Variants in ADAM10 observed in about 807,000 individuals in gnomAD.
The protein encoded by ADAM10 is disintegrin and metalloproteinase domain-containing protein 10.
Under a neutral mutation model 90.1 loss-of-function variants are expected in ADAM10, and 17 were observed. The observed-to-expected ratio is 0.19, with a 90% CI of 0.13 to 0.28. The LOEUF (loss-of-function observed/expected upper bound fraction) is 0.28, where lower values mean the gene tolerates loss of function less well. Ranked by LOEUF, ADAM10 falls within the 10% of genes least tolerant of loss-of-function variation. The pLI, the probability that ADAM10 is intolerant of heterozygous loss-of-function variation, is 1.00. For synonymous variants in ADAM10, 310 were observed against 298.6 expected, an observed-to-expected ratio of 1.04 and a Z score of -0.40; for missense variants, 610 against 914.3, an observed-to-expected ratio of 0.67 and a Z score of 4.29.
rs1212579173 is a variant in ADAM10, at chr15:58,597,300, C to T, written c.*247G>A. ...CATAATAATATTCTAAGACTTTGTG[C>T]CATTAAGTTAAAAATATCTGTTCAT... On this transcript the variant is annotated 3_prime_UTR_variant, in exon 16 of 16. Transcript: ENST00000260408. The T allele has an allele frequency of 1.5e-6, 2 of 1,298,304 alleles. No individual in the cohort carries two copies. 80.4% of individuals were successfully genotyped at this position (1,298,304 alleles called of 1,614,324 possible).
At chr15:58,669,050 A>T (rs1338227593) in intron 4 of ADAM10, among the ~76,000 whole-genome samples, 3 of 152,178 alleles carry the variant, frequency 2.0e-5, no homozygotes, top group African/African-American at 7.2e-5. Context: ...AAATCTCCTA[A>T]TCATATGTCA....
intron 2 of ADAM10, chr15:58,698,146 G>C (rs1201938499): frequency 9.8e-6 from 3 of 307,604 alleles, no homozygotes; most frequent in East Asian, 1.3e-4. Flanking sequence ...TGCAGCAATA[G>C]ATTCCAATGA....
At chr15:58,696,245 C>T (rs1055168559) in intron 2 of ADAM10, among the ~76,000 whole-genome samples, 5 of 151,948 alleles carry the variant, frequency 3.3e-5, no homozygotes, top group African/African-American at 9.7e-5. Context: ...CAAGATCACG[C>T]CACTGCACTC....
intron 2 of ADAM10, chr15:58,693,255 G>A: frequency 3.5e-6 from 2 of 565,970 alleles, no homozygotes; most frequent in Non-Finnish European, 3.3e-6. Flanking sequence ...TGTCCAAAAT[G>A]CACACGGCAC....
At chr15:58,696,088 C>T (rs1897970743) in intron 2 of ADAM10, among the ~76,000 whole-genome samples, 1 of 151,910 alleles carries the variant, frequency 6.6e-6, no homozygotes, top group African/African-American at 2.4e-5. Context: ...TGCACTCCAG[C>T]CTGGGCAACA....
intron 4 of ADAM10, among the ~76,000 whole-genome samples, chr15:58,675,095 G>C (rs1485162968): frequency 6.6e-6 from 1 of 152,202 alleles, no homozygotes; most frequent in African/African-American, 2.4e-5. Flanking sequence ...ATTCACAGGA[G>C]GCTGAGGCAG....
intron 5 of ADAM10, among the ~76,000 whole-genome samples, chr15:58,658,987 T>G (rs1896902629): frequency 6.6e-6 from 1 of 152,020 alleles, no homozygotes; most frequent in Non-Finnish European, 1.5e-5. Context: ...AAGTTTTTAT[T>G]CCTTGGCTGG....
intron 2 of ADAM10, among the ~76,000 whole-genome samples, chr15:58,711,694 A>G (rs1898478155): frequency 1.3e-5 from 2 of 152,220 alleles, no homozygotes; most frequent in Admixed American, 6.5e-5. Context: ...CCCAAAGTAC[A>G]TAATTTGGAA....
intron 10 of ADAM10, among the ~76,000 whole-genome samples, chr15:58,625,893 A>C (rs1895926834): frequency 6.6e-6 from 1 of 152,226 alleles, no homozygotes; most frequent in Admixed American, 6.5e-5. Context: ...GAGTGAGAAA[A>C]GGCAATTCCA....
Position 58,594,815 on chromosome 15 carries a change from C to T in ADAM10, c.*2732G>A, listed in dbSNP as rs1302551945. ...TTCATAAATAACTAAACATAATATACATTTGATGCTCCTAAATTAACAAAG... is the reference window on the plus strand; with the variant it reads ...TTCATAAATAACTAAACATAATATATATTTGATGCTCCTAAATTAACAAAG... On this transcript the variant is annotated 3_prime_UTR_variant, in exon 16 of 16. Coordinates refer to ENST00000260408, the MANE Select transcript of ADAM10 (RefSeq NM_001110.4). The T allele has an allele frequency of 6.6e-6, 1 of 152,092 alleles. No homozygotes were observed. The highest frequency in any genetic ancestry group is 2.1e-4 in the South Asian group (1 of 4,820). The allele number at this position is 152,092 out of a possible 1,614,324, so 9.4% of individuals were successfully genotyped here. A position where few individuals can be genotyped will look rare whatever the true frequency, so the allele number is the denominator to read the frequency against.
intron 2 of ADAM10, among the ~76,000 whole-genome samples, chr15:58,710,930 AT>A (rs1390011522): frequency 6.6e-6 from 1 of 152,210 alleles, no homozygotes; most frequent in Non-Finnish European, 1.5e-5. Flanking sequence ...AGTCACAGAC[AT>A]CTCCAGACTA....
intron 2 of ADAM10, among the ~76,000 whole-genome samples, chr15:58,697,674 C>T (rs1381226430): frequency 6.6e-6 from 1 of 152,120 alleles, no homozygotes; most frequent in African/African-American, 2.4e-5. Flanking sequence ...ACATACGCTG[C>T]CCAGGAGCCT....
chr15:58,625,778 A>G (rs373263555), intron 10 of ADAM10, among the ~76,000 whole-genome samples: 3 of 152,370 alleles, frequency 2.0e-5, no homozygotes, highest in African/African-American at 7.2e-5. Context: ...ATGGATGGTT[A>G]AACAAATTGC....
chr15:58,720,745 T>A (rs530865690), intron 1 of ADAM10, among the ~76,000 whole-genome samples: 12 of 152,306 alleles, frequency 7.9e-5, no homozygotes, highest in African/African-American at 2.6e-4. Flanking sequence ...TGGAATCAAA[T>A]ATACCAATGC....
chr15:58,635,256 C>T (rs1324911861), intron 8 of ADAM10, among the ~76,000 whole-genome samples: 9 of 100,158 alleles, frequency 9.0e-5, no homozygotes, highest in African/African-American at 3.8e-4. Flanking sequence ...GCCTGGGTGA[C>T]AGAGCAAGAC....
rs1238480458 is a variant in ADAM10, at chr15:58,589,882, C to A, written c.*7665G>T. On this transcript the variant is annotated 3_prime_UTR_variant, in exon 16 of 16. Coordinates refer to ENST00000260408, the MANE Select transcript of ADAM10 (RefSeq NM_001110.4). ...AACTCCCAGATTGTTGGGCCAATAT[C>A]CTAAGGAGAATAACCAAGTATGACA... is the stretch of plus-strand genomic sequence containing the variant. 3.3e-5 allele frequency: 5 copies of A among 152,058 alleles called. No homozygotes were observed. The highest frequency in any genetic ancestry group is 9.7e-5 in the African/African-American group (4 of 41,380). 9.4% of individuals were successfully genotyped at this position (152,058 alleles called of 1,614,324 possible).
rs1161870187 is a variant in ADAM10 at position 58,593,852 on chromosome 15, C to A, written c.*3695G>T. On this transcript the variant is annotated 3_prime_UTR_variant, in exon 16 of 16. Transcript: ENST00000260408. ...TACATACATGTATATATCTAAGACA[C>A]ACAAACAATATAGTAATATAAAACA... 2 of 152,096 alleles carry A rather than the reference C, an allele frequency of 1.3e-5. No individual in the cohort carries two copies. Among genetic ancestry groups the A allele is most frequent in the Admixed American group, 1.3e-4 (2 of 15,266 alleles). The allele number at this position is 152,096 out of a possible 1,614,324, so 9.4% of individuals were successfully genotyped here. A position where few individuals can be genotyped will look rare whatever the true frequency, so the allele number is the denominator to read the frequency against.
At chr15:58,619,167 C>T (rs566704957) in intron 11 of ADAM10, among the ~76,000 whole-genome samples, 43 of 152,132 alleles carry the variant, frequency 2.8e-4, no homozygotes, top group Middle Eastern at 3.4e-3. Flanking sequence ...GAGCAAAATA[C>T]TGTCATGTGC....
intron 2 of ADAM10, chr15:58,690,953 G>A (rs1029677868): frequency 5.5e-5 from 25 of 455,658 alleles, no homozygotes; most frequent in Non-Finnish European, 9.5e-5. Context: ...TGACAGCCTC[G>A]TTGTTCTTGT....
Sources: gnomAD v4.1 joint callset for allele counts (sites outside exome capture counted in the v4.1 genomes callset) on GRCh38, gnomAD v4.1.1 for gene constraint, MANE v1.5 for transcripts, NCBI Gene and HGNC (gene_info 2026-07-23, HGNC 2026-07-21) for gene names.